The following WWOX variants were observed in gnomAD, a reference collection of about 807,000 sequenced individuals.
WWOX encodes the protein WW domain-containing oxidoreductase.
Under a neutral mutation model 46.2 loss-of-function variants are expected in WWOX, and 69 were observed. That is an observed-to-expected ratio of 1.49 (90% CI 1.23 to 1.82). WWOX has a LOEUF of 1.82. Among genes scored for constraint, WWOX ranks in the 40% most tolerant of loss-of-function variants. The probability of loss-of-function intolerance (pLI) is 0.00; values close to 1 mark genes in which losing one functional copy is unlikely to be tolerated. For missense variants in WWOX, 919 were observed against 542.6 expected, an observed-to-expected ratio of 1.69 and a Z score of -6.89; for synonymous variants, 359 against 202.6, an observed-to-expected ratio of 1.77 and a Z score of -6.56.
At chr16:78,189,091 C>T (rs1312802949) in intron 5 of WWOX, among the ~76,000 whole-genome samples, 2 of 152,150 alleles carry the variant, frequency 1.3e-5, no homozygotes, top group African/African-American at 2.4e-5. Flanking sequence ...TGGCTGAGAA[C>T]GTGCAGCTCA....
At chr16:78,108,400 G>C (rs2151665584) in intron 1 of WWOX, 23 bp from the exon 2 acceptor site, 1 of 1,599,502 alleles carries the variant, frequency 6.3e-7, no homozygotes, top group Non-Finnish European at 8.6e-7. Context: ...ACTTATTACT[G>C]TGGATTTTTT....
At chr16:78,593,314 T>G (rs1298096462) in intron 8 of WWOX, among the ~76,000 whole-genome samples, 1 of 152,208 alleles carries the variant, frequency 6.6e-6, no homozygotes, top group Non-Finnish European at 1.5e-5. Context: ...GTGCTGGGAT[T>G]ATAGGCTTGA....
chr16:79,001,751 G>A (rs958949605), intron 8 of WWOX, among the ~76,000 whole-genome samples: 1 of 152,074 alleles, frequency 6.6e-6, no homozygotes, highest in Non-Finnish European at 1.5e-5. Context: ...GGGGGCGTTT[G>A]TGCAGTGGGA....
intron 8 of WWOX, among the ~76,000 whole-genome samples, chr16:79,121,860 C>T (rs532966192): frequency 1.3e-5 from 2 of 152,222 alleles, no homozygotes; most frequent in African/African-American, 4.8e-5. Flanking sequence ...AATTCGTTCT[C>T]AGCATCAGAA....
chr16:78,506,566 C>A (rs2085209879), intron 8 of WWOX: 1 of 152,218 alleles, frequency 6.6e-6, no homozygotes, highest in Non-Finnish European at 1.5e-5. Flanking sequence ...ACACAGAATC[C>A]CCTAAGTGGG....
chr16:78,617,914 C>T (rs1046309341), intron 8 of WWOX, among the ~76,000 whole-genome samples: 2 of 152,220 alleles, frequency 1.3e-5, no homozygotes, highest in Non-Finnish European at 1.5e-5. Flanking sequence ...TGCACATTGC[C>T]CATCTTTATA....
At chr16:78,466,820 C>T (rs572904352) in intron 8 of WWOX, among the ~76,000 whole-genome samples, 3 of 152,110 alleles carry the variant, frequency 2.0e-5, no homozygotes, top group South Asian at 2.1e-4. Flanking sequence ...TGCACTCCAG[C>T]GTGGGCAACA....
chr16:78,484,546 T>C (rs1025726092), intron 8 of WWOX, among the ~76,000 whole-genome samples: 11 of 152,338 alleles, frequency 7.2e-5, no homozygotes, highest in African/African-American at 1.2e-4. Context: ...AATTGACTTA[T>C]AGTCTAATAA....
intron 8 of WWOX, among the ~76,000 whole-genome samples, chr16:78,750,031 C>G (rs1044343800): frequency 6.6e-6 from 1 of 152,096 alleles, no homozygotes; most frequent in Admixed American, 6.5e-5. Flanking sequence ...TAGATAGACT[C>G]TATCAGGGAA....
Position 78,925,976 on chromosome 16 carries a change from G to A in WWOX, c.1057-285632G>A, listed in dbSNP as rs530567362. Among the ~76,000 whole-genome samples, 6 of 152,312 alleles carry A rather than the reference G, an allele frequency of 3.9e-5. No individual in the cohort carries two copies. In the East Asian group the frequency reaches 1.2e-3, roughly 29 times the overall value. ...GAAAGACTGTGAACCAAGAGGGCAG[G>A]GAGAAGGGAAGGGATGTGGGGAGAG... On this transcript the variant is annotated intron_variant, in intron 8 of 8. Transcript: ENST00000566780.
chr16:78,677,254 G>A (rs1406320070), intron 8 of WWOX, among the ~76,000 whole-genome samples: 1 of 152,144 alleles, frequency 6.6e-6, no homozygotes, highest in Non-Finnish European at 1.5e-5. Flanking sequence ...GGGTCAGGCA[G>A]CTGTTTGACA....
At position 78,704,032 on chromosome 16, in the gene WWOX, C is replaced by G. The variant is rs568501213; in HGVS notation, c.1056+271280C>G. Among the ~76,000 whole-genome samples the G allele has an allele frequency of 2.0e-5, 3 of 152,294 alleles. No individual in the cohort carries two copies. In the East Asian group the frequency reaches 5.8e-4, roughly 29 times the overall value. ...CCTGTTGTGCAACCATCACCCCTAT[C>G]CATCTCCAAGTGAACTTGATTCTTA... On this transcript the variant is annotated intron_variant, in intron 8 of 8. Transcript: ENST00000566780.
At chr16:78,954,663 A>G (rs956952780) in intron 8 of WWOX, among the ~76,000 whole-genome samples, 2 of 152,206 alleles carry the variant, frequency 1.3e-5, no homozygotes, top group Non-Finnish European at 2.9e-5. Context: ...ATATAGAAGC[A>G]TAGGCACATA....
At chr16:78,361,228 T>C (rs2081404448) in intron 5 of WWOX, among the ~76,000 whole-genome samples, 1 of 152,216 alleles carries the variant, frequency 6.6e-6, no homozygotes, top group East Asian at 1.9e-4. Flanking sequence ...TAAGCATTTT[T>C]TGGCAAGAAC....
rs558395924 is a variant in WWOX at position 78,923,276 on chromosome 16, C to T, written c.1057-288332C>T. On this transcript the variant is annotated intron_variant, in intron 8 of 8. Transcript: ENST00000566780. ...GATTACAGGCTTGAGCCACTGTGCC[C>T]GGCCATCTTTCTTTTTCTTCCTCTC... Among the ~76,000 whole-genome samples the T allele has an allele frequency of 5.5e-4, 83 of 152,216 alleles. 1 individual carries two copies. The highest frequency in any genetic ancestry group is 1.6e-3 in the African/African-American group (68 of 41,540).
chr16:78,753,424 C>A (rs1374171317), intron 8 of WWOX, among the ~76,000 whole-genome samples: 1 of 152,136 alleles, frequency 6.6e-6, no homozygotes, highest in Non-Finnish European at 1.5e-5. Context: ...GAGGACCAGT[C>A]ACCCCTGTGT....
chr16:78,485,671 T>G (rs1444351806), intron 8 of WWOX, among the ~76,000 whole-genome samples: 1 of 152,202 alleles, frequency 6.6e-6, no homozygotes, highest in Non-Finnish European at 1.5e-5. Flanking sequence ...TGCTCACAAG[T>G]GAGCAATTGT....
At chr16:78,224,597 C>G (rs1480935562) in intron 5 of WWOX, among the ~76,000 whole-genome samples, 1 of 152,152 alleles carries the variant, frequency 6.6e-6, no homozygotes, top group Non-Finnish European at 1.5e-5. Flanking sequence ...TTATTCACAG[C>G]TTTTCTCTAT....
chr16:78,864,809 C>T (rs2043968101), intron 8 of WWOX, among the ~76,000 whole-genome samples: 1 of 124,732 alleles, frequency 8.0e-6, no homozygotes, highest in Non-Finnish European at 1.6e-5. Flanking sequence ...ATTGCCCAGG[C>T]TGGAGTGCAG....
Sources: allele counts gnomAD v4.1 joint callset (sites outside exome capture counted in the v4.1 genomes callset), GRCh38; gene constraint gnomAD v4.1.1; transcripts MANE v1.5; gene names NCBI Gene and HGNC (gene_info 2026-07-23, HGNC 2026-07-21).